PLEKHG7: variants seen among roughly 807,000 people sequenced by gnomAD.
PLEKHG7 encodes pleckstrin homology domain-containing family G member 7.
A neutral mutation model predicts 85.2 loss-of-function variants in PLEKHG7; 77 were observed. That is an observed-to-expected ratio of 0.90 (90% CI 0.75 to 1.09). The LOEUF is 1.09. PLEKHG7 is among the 50% of genes least tolerant of loss of function. The pLI is 0.00. For synonymous variants in PLEKHG7, 301 were observed against 302.4 expected, an observed-to-expected ratio of 1.00 and a Z score of 0.05; for missense variants, 777 against 804.3, an observed-to-expected ratio of 0.97 and a Z score of 0.41.
intron 13 of PLEKHG7, among the ~76,000 whole-genome samples, chr12:92,756,673 G>A (rs1271823018): frequency 6.6e-6 from 1 of 152,146 alleles, no homozygotes; most frequent in African/African-American, 2.4e-5. Context: ...CTCACGGTCT[G>A]GAATCTAGTA....
At chr12:92,737,084 T>C (rs547028878) in intron 6 of PLEKHG7, among the ~76,000 whole-genome samples, 1 of 152,322 alleles carries the variant, frequency 6.6e-6, no homozygotes, top group South Asian at 2.1e-4. Context: ...TTCTCAAGCA[T>C]AATTCAAAAC....
chr12:92,762,516 GTTA>G (rs1873067216), intron 14 of PLEKHG7, among the ~76,000 whole-genome samples: 1 of 152,116 alleles, frequency 6.6e-6, no homozygotes, highest in African/African-American at 2.4e-5. Flanking sequence ...TATTGTTGTT[GTTA>G]TTTTTACTAC....
intron 3 of PLEKHG7, among the ~76,000 whole-genome samples, chr12:92,716,036 C>T (rs1202319677): frequency 6.6e-6 from 1 of 152,100 alleles, no homozygotes; most frequent in Non-Finnish European, 1.5e-5. Flanking sequence ...GATATGAAAC[C>T]TTTTTCAAAA....
chr12:92,717,237 A>G (rs557711364), intron 3 of PLEKHG7, among the ~76,000 whole-genome samples: 1 of 152,364 alleles, frequency 6.6e-6, no homozygotes, highest in East Asian at 1.9e-4. Flanking sequence ...CATATTAGCC[A>G]CTGGGGCAAC....
At chr12:92,768,782 T>C (rs1873299194) in intron 15 of PLEKHG7, among the ~76,000 whole-genome samples, 1 of 151,918 alleles carries the variant, frequency 6.6e-6, no homozygotes, top group African/African-American at 2.4e-5. Context: ...TATAGTAGAG[T>C]AGGCTTTATT....
In PLEKHG7 at chr12:92,771,744, C is replaced by T. The variant is rs570592323; in HGVS notation, c.*1549C>T. The T allele has an allele frequency of 1.3e-5, 2 of 152,084 alleles. No homozygotes were observed. Among genetic ancestry groups the T allele is most frequent in the South Asian group, 2.1e-4 (1 of 4,826 alleles). The allele number at this position is 152,084 out of a possible 1,614,324, so 9.4% of individuals were successfully genotyped here. On this transcript the variant is annotated 3_prime_UTR_variant, in exon 17 of 17. Coordinates refer to ENST00000344636, the MANE Select transcript of PLEKHG7 (RefSeq NM_001377329.1). ...CAAATGTTTAGATATAAACTAACCT[C>T]GGAGGTGAGCAGTGGACTAGGATGA...
intron 7 of PLEKHG7, among the ~76,000 whole-genome samples, chr12:92,738,614 A>G (rs1160262959): frequency 1.3e-5 from 2 of 152,232 alleles, no homozygotes; most frequent in Non-Finnish European, 2.9e-5. Flanking sequence ...AATGTGCATG[A>G]CTGTCACCCA....
At chr12:92,741,793 G>T (rs1872365016) in intron 9 of PLEKHG7, among the ~76,000 whole-genome samples, 1 of 152,214 alleles carries the variant, frequency 6.6e-6, no homozygotes, top group Non-Finnish European at 1.5e-5. Flanking sequence ...CACATCTCCT[G>T]TGTGGGTTTT....
At position 92,740,837 on chromosome 12, in the gene PLEKHG7, A is replaced by AT. The variant is rs779641029; in HGVS notation, c.940-10dup. ...AAAAAACAGAAATTAATGTGTATAT[A>AT]TTTTTTATTTCAAAGATCTTTATGA... On this transcript the variant is annotated splice_polypyrimidine_tract_variant and intron_variant, in intron 7 of 16. Transcript: ENST00000344636. The AT allele has an allele frequency of 1.1e-5, 17 of 1,534,012 alleles. No individual in the cohort carries two copies. The highest frequency in any genetic ancestry group is 1.4e-5 in the Non-Finnish European group (16 of 1,116,076).
intron 1 of PLEKHG7, 95 bp downstream of exon 1, chr12:92,703,227 C>T (rs2136563415): frequency 6.6e-6 from 1 of 152,342 alleles, no homozygotes; most frequent in East Asian, 1.9e-4. Flanking sequence ...GCTGATCTCT[C>T]CAGGTCTCAT....
At chr12:92,765,395 C>T (rs906109331) in intron 15 of PLEKHG7, among the ~76,000 whole-genome samples, 3 of 151,126 alleles carry the variant, frequency 2.0e-5, no homozygotes, top group Non-Finnish European at 4.4e-5. Context: ...CTTGGGAGCC[C>T]GAGTTGGGCA....
At chr12:92,756,187 A>T in intron 12 of PLEKHG7, 111 bp from the exon 13 acceptor site, 1 of 817,080 alleles carries the variant, frequency 1.2e-6, no homozygotes, top group Non-Finnish European at 2.0e-6. Flanking sequence ...ATCTGCTGGC[A>T]TTTCCAAATG....
Position 92,706,665 on chromosome 12 carries a change from C to G in PLEKHG7, c.34C>G (p.Pro12Ala). 6.2e-7 allele frequency: 1 copy of G among 1,613,754 alleles called. No homozygotes were observed. The highest frequency in any genetic ancestry group is 8.5e-7 in the Non-Finnish European group (1 of 1,179,846). ...EKTESFCPEV[P>A]PQDCGASPRP... ...AACAGAGTCATTCTGTCCAGAGGTG[C>G]CACCCCAAGACTGTGGAGCCTCTCC... The change falls in exon 2 of 17, where the codon CCA (proline) becomes GCA (alanine). Residue 12 changes from proline (P) to alanine (A), a missense_variant. Coordinates refer to ENST00000344636, the MANE Select transcript of PLEKHG7 (RefSeq NM_001377329.1).
intron 1 of PLEKHG7, among the ~76,000 whole-genome samples, chr12:92,703,870 A>G (rs1871155600): frequency 6.6e-6 from 1 of 152,226 alleles, no homozygotes; most frequent in South Asian, 2.1e-4. Context: ...TGTCTGAACG[A>G]CTACAAAGGA....
chr12:92,764,323 T>C (rs1873124064), intron 15 of PLEKHG7, 129 bp downstream of exon 15: 2 of 923,118 alleles, frequency 2.2e-6, no homozygotes, highest in Non-Finnish European at 3.1e-6. Context: ...CCTATGTGTC[T>C]ACATATCTTT....
intron 3 of PLEKHG7, chr12:92,721,575 G>A (rs1490968511): frequency 2.1e-6 from 2 of 966,464 alleles, no homozygotes; most frequent in African/African-American, 1.7e-5. Context: ...GTGGGGGTGG[G>A]GAAAGCCAGT....
intron 9 of PLEKHG7, among the ~76,000 whole-genome samples, chr12:92,744,958 C>G (rs1026556662): frequency 6.6e-6 from 1 of 152,124 alleles, no homozygotes; most frequent in South Asian, 2.1e-4. Context: ...TGAGCCACTG[C>G]GCCCAGCCAA....
chr12:92,714,926 A>G (rs1210840293), intron 3 of PLEKHG7, among the ~76,000 whole-genome samples: 1 of 152,188 alleles, frequency 6.6e-6, no homozygotes, highest in African/African-American at 2.4e-5. Context: ...AACCAATGAA[A>G]GAACTCCATC....
chr12:92,735,073 T>C (rs1233752654), intron 5 of PLEKHG7, among the ~76,000 whole-genome samples: 1 of 152,202 alleles, frequency 6.6e-6, no homozygotes, highest in Non-Finnish European at 1.5e-5. Flanking sequence ...GTCAAACCCA[T>C]AGAAAGCCAT....
Sources: allele counts gnomAD v4.1 joint callset (sites outside exome capture counted in the v4.1 genomes callset), GRCh38; gene constraint gnomAD v4.1.1; transcripts MANE v1.5; gene names NCBI Gene and HGNC (gene_info 2026-07-23, HGNC 2026-07-21).